Variants in RTN2 observed in about 807,000 individuals in gnomAD.
RTN2 encodes the protein reticulon 2, also known as reticulon-2.
A neutral mutation model predicts 63.7 loss-of-function variants in RTN2; 36 were observed. That is an observed-to-expected ratio of 0.56 (90% CI 0.43 to 0.75). RTN2 has a LOEUF of 0.75. RTN2 is among the 30% of genes least tolerant of loss of function. The pLI, the probability that RTN2 is intolerant of heterozygous loss-of-function variation, is 0.00. For missense variants in RTN2, 673 were observed against 705.1 expected, an observed-to-expected ratio of 0.95 and a Z score of 0.52; for synonymous variants, 312 against 313.0, an observed-to-expected ratio of 1.00 and a Z score of 0.03.
Position 45,494,514 on chromosome 19 carries a change from C to T in RTN2, c.559+12G>A. ...CCTCTTGGCTTTGGTCCCAGCACCT[C>T]GGACATCTCACCTTCCCCAGCTTCT... is the stretch of plus-strand genomic sequence containing the variant. On this transcript the variant is annotated intron_variant, in intron 3 of 10. Transcript: ENST00000245923. The surrounding 1 kb of genome is among the most constrained non-coding windows in gnomAD (Gnocchi z 5.3). The T allele has an allele frequency of 6.2e-7, 1 of 1,611,446 alleles. No individual in the cohort carries two copies.
At chr19:45,490,582 TTTTA>T (rs1968136537) in intron 5 of RTN2, among the ~76,000 whole-genome samples, 1 of 151,234 alleles carries the variant, frequency 6.6e-6, no homozygotes, top group Non-Finnish European at 1.5e-5. Flanking sequence ...TTGTTTTTGT[TTTTA>T]TTTTTTTTGA....
rs540829033 is a variant in RTN2 at position 45,491,238 on chromosome 19, C to T, written c.1034-1685G>A. ...AGAGGCAGAGTCTCACTCTGTCACC[C>T]TGGCTGGAGTGCAGTGGCGTGATCA... On this transcript the variant is annotated intron_variant, in intron 5 of 10. Transcript: ENST00000245923. 2.6e-5 allele frequency among the ~76,000 whole-genome samples: 4 copies of T among 151,836 alleles called. No individual in the cohort carries two copies. In the South Asian group the frequency reaches 8.3e-4, roughly 32 times the overall value.
chr19:45,490,894 T>G (rs1182110293), intron 5 of RTN2, among the ~76,000 whole-genome samples: 44 of 147,958 alleles, frequency 3.0e-4, no homozygotes. Context: ...GTTTGTTTGT[T>G]TTTTTTTTTG....
In RTN2 at chr19:45,488,644, G is replaced by A. The variant is rs1968080318; in HGVS notation, c.1443C>T (p.Leu481=). 3.7e-6 allele frequency: 6 copies of A among 1,613,972 alleles called. No homozygotes were observed. The highest frequency in any genetic ancestry group is 5.1e-6 in the Non-Finnish European group (6 of 1,179,932). ...VGAIFNGLTL[L]ILGVIGLFTI... ...ACGGCCTTCCCAGCTCACCCAGAAT[G>A]AGAAGAGTCAAACCATTGAAGATGG... The change falls in exon 8 of 11, where the codon CTC becomes CTT. Residue 481 remains leucine (L), a synonymous_variant. Transcript: ENST00000245923.
At position 45,494,630 on chromosome 19, in the gene RTN2, C is replaced by G. The variant is rs1310871541; in HGVS notation, c.455G>C (p.Arg152Pro). The part of the protein sequence containing the change: ...LRLDHLGWVA[R>P]GTGSGEDSST... ...AGAGTCCTCCCCGGATCCCGTTCCCCGGGCCACCCAGCCCAGATGGTCCAA... is the reference window on the plus strand; with the variant it reads ...AGAGTCCTCCCCGGATCCCGTTCCCGGGGCCACCCAGCCCAGATGGTCCAA... The change falls in exon 3 of 11, where the codon CGG becomes CCG. Residue 152 changes from arginine (R) to proline (P), a missense_variant. Arg to Pro is a moderately radical substitution (Grantham distance 103). Coordinates refer to ENST00000245923, the MANE Select transcript of RTN2 (RefSeq NM_005619.5). The surrounding 1 kb of genome is among the most constrained non-coding windows in gnomAD (Gnocchi z 5.3). The G allele has an allele frequency of 4.3e-6, 7 of 1,613,768 alleles. No homozygotes were observed. Among genetic ancestry groups the G allele is most frequent in the Middle Eastern group, 3.3e-4 (2 of 6,084 alleles).
intron 9 of RTN2, among the ~76,000 whole-genome samples, chr19:45,486,495 T>A (rs189283821): frequency 4.1e-4 from 63 of 152,146 alleles, no homozygotes; most frequent in South Asian, 3.1e-3. Flanking sequence ...TCGTGTTTTT[T>A]AAAAAATTAT....
chr19:45,490,227 C>T (rs886823527), intron 5 of RTN2, among the ~76,000 whole-genome samples: 3 of 152,012 alleles, frequency 2.0e-5, no homozygotes. Flanking sequence ...GTCTCGAACT[C>T]CTGACCTCGT....
At position 45,494,387 on chromosome 19, in the gene RTN2, G is replaced by A. The variant is rs1257115070; in HGVS notation, c.593C>T (p.Ser198Leu). The A allele has an allele frequency of 6.2e-7, 1 of 1,614,012 alleles. No individual in the cohort carries two copies. Among genetic ancestry groups the A allele is most frequent in the South Asian group, 1.1e-5 (1 of 91,078 alleles). ...CTGGGGAGTCAAGACCTCGGGCGAT[G>A]AGGGCTGAGCAAGTCGGAGTCGTAG... ...LDLRLRLAQPSSPEVLTPQLS... is the reference protein window; with the variant it reads ...LDLRLRLAQPLSPEVLTPQLS... Residue 198 changes from serine to leucine, a missense_variant, in exon 4 of 11, where the codon TCA becomes TTA. Coordinates refer to ENST00000245923, the MANE Select transcript of RTN2 (RefSeq NM_005619.5). The surrounding 1 kb of genome is among the most constrained non-coding windows in gnomAD (Gnocchi z 5.3).
chr19:45,489,264 G>T, intron 6 of RTN2, 82 bp downstream of exon 6: 1 of 1,291,524 alleles, frequency 7.7e-7, no homozygotes, highest in Non-Finnish European at 1.1e-6. Context: ...GGGTCCGGGT[G>T]GGAGTCGGTG....
At chr19:45,493,085 G>A in intron 5 of RTN2, 75 bp downstream of exon 5, 2 of 1,337,826 alleles carry the variant, frequency 1.5e-6, no homozygotes, top group Non-Finnish European at 2.1e-6. Flanking sequence ...TGCTCCGGAT[G>A]TGCAGGAGAT....
chr19:45,488,138 CA>C (rs757174093), intron 9 of RTN2, among the ~76,000 whole-genome samples: 2 of 151,768 alleles, frequency 1.3e-5, no homozygotes, highest in Non-Finnish European at 2.9e-5. Context: ...CCTGTAATCC[CA>C]GCTACTCAGA....
Position 45,494,706 on chromosome 19 carries a change from G to C in RTN2, c.379C>G (p.Pro127Ala). ...QSPEPGRRGDPDTAPPSERPL... is the reference protein window; with the variant it reads ...QSPEPGRRGDADTAPPSERPL... ...CGCTCGGATGGAGGCGCGGTGTCAG[G>C]ATCACCCCGTCGTCCAGGCTCCGGG... The change falls in exon 3 of 11, where the codon CCT becomes GCT. Residue 127 changes from proline to alanine, a missense_variant. Transcript: ENST00000245923. This position sits in a 1 kb window ranked among gnomAD's most constrained non-coding sequence, Gnocchi z 5.3. The C allele has an allele frequency of 1.2e-6, 2 of 1,613,310 alleles. No individual in the cohort carries two copies. Among genetic ancestry groups the C allele is most frequent in the Non-Finnish European group, 1.7e-6 (2 of 1,179,980 alleles).
intron 9 of RTN2, among the ~76,000 whole-genome samples, chr19:45,487,415 G>T (rs1968047826): frequency 6.6e-6 from 1 of 151,910 alleles, no homozygotes; most frequent in South Asian, 2.1e-4. Context: ...GGACTAACTG[G>T]CAGGGCATAT....
At chr19:45,490,527 T>TTGTGTGTGTGTGTGTGTG (rs1374705450) in intron 5 of RTN2, among the ~76,000 whole-genome samples, 5 of 114,498 alleles carry the variant, frequency 4.4e-5, no homozygotes, top group Admixed American at 3.1e-4. Flanking sequence ...GGTGGACTGG[T>TTGTGTGTGTGTGTGTGTG]TGTGTGTCTG....
At chr19:45,490,892 GTTT>G (rs199618765) in intron 5 of RTN2, among the ~76,000 whole-genome samples, 1 of 129,466 alleles carries the variant, frequency 7.7e-6, no homozygotes, top group African/African-American at 2.9e-5. Flanking sequence ...TTGTTTGTTT[GTTT>G]TTTTTTTTGA....
At chr19:45,489,939 A>T (rs866011980) in intron 5 of RTN2, among the ~76,000 whole-genome samples, 1 of 152,124 alleles carries the variant, frequency 6.6e-6, no homozygotes, top group Middle Eastern at 3.4e-3. Context: ...CTCCTGCATC[A>T]GCCCTCCAAA....
intron 10 of RTN2, 121 bp from the exon 11 acceptor site, chr19:45,485,910 A>G (rs956153689): frequency 1.1e-4 from 128 of 1,147,896 alleles, no homozygotes; most frequent in Admixed American, 3.8e-5. Flanking sequence ...CCTGCCCTCC[A>G]CCTAGTGGCC....
At chr19:45,493,842 C>T (rs578085909) in intron 4 of RTN2, 6 of 323,188 alleles carry the variant, frequency 1.9e-5, no homozygotes, top group Admixed American at 4.9e-5. Context: ...CTTCCAGGTT[C>T]AAGCGATTCT....
At chr19:45,487,583 G>GTTTTTTTTTTTTTTTTTTTTT (rs4031036) in intron 9 of RTN2, among the ~76,000 whole-genome samples, 6 of 105,754 alleles carry the variant, frequency 5.7e-5, no homozygotes, top group Non-Finnish European at 7.4e-5. Context: ...TTATTTTTTG[G>GTTTTTTTTTTTTTTTTTTTTT]TTTTTTTTTT....
Sources: gnomAD v4.1 joint callset for allele counts (sites outside exome capture counted in the v4.1 genomes callset) on GRCh38, gnomAD v4.1.1 for gene constraint, Gnocchi (gnomAD v3.1) non-coding constraint, MANE v1.5 for transcripts, NCBI Gene and HGNC (gene_info 2026-07-23, HGNC 2026-07-21) for gene names.